Variants in MUC5B observed in about 807,000 individuals in gnomAD.
The protein encoded by MUC5B is mucin-5B.
A neutral mutation model predicts 376.9 loss-of-function variants in MUC5B; 116 were observed. The ratio of observed to expected loss-of-function variants is 0.31; its 90% CI spans 0.26 to 0.36. The LOEUF (loss-of-function observed/expected upper bound fraction) is 0.36. Among genes scored for constraint, MUC5B ranks in the 10% least tolerant of loss-of-function variants. The pLI, the probability that MUC5B is intolerant of heterozygous loss-of-function variation, is 1.00. For synonymous variants in MUC5B, 3,517 were observed against 3,390.9 expected (o/e 1.04, Z -1.29); for missense variants, 7,165 against 7,769.9 (o/e 0.92, Z 2.93).
Position 1,226,773 on chromosome 11 carries a change from C to A in MUC5B, c.358C>A (p.Arg120=). ...AYEDFNVQLR[R]GLVGSRPVVT... The stretch of plus-strand genomic sequence containing the variant: ...CGAGGACTTCAACGTCCAGCTACGC[C>A]GAGGCCTAGTGGGCTCCAGGCCTGT... The change falls in exon 4 of 49, where the codon CGA becomes AGA. Residue 120 remains arginine (R), a synonymous_variant. Transcript: ENST00000529681. 4.3e-6 allele frequency: 7 copies of A among 1,612,524 alleles called. No homozygotes were observed. Among genetic ancestry groups the A allele is most frequent in the Non-Finnish European group, 5.9e-6 (7 of 1,179,804 alleles).
chr11:1,236,334 C>G, intron 23 of MUC5B, 52 bp from the exon 24 acceptor site: 1 of 1,555,714 alleles, frequency 6.4e-7, no homozygotes, highest in Non-Finnish European at 8.7e-7. Context: ...GTCTCAGGCC[C>G]CTCCCTGGGG....
intron 4 of MUC5B, 49 bp downstream of exon 4, chr11:1,226,925 A>G (rs1590167518): frequency 1.6e-6 from 2 of 1,281,628 alleles, no homozygotes. Context: ...ACACAGTGTG[A>G]CCTCCCCACA....
rs1178204387 is a variant in MUC5B at position 1,230,512 on chromosome 11, C to T, written c.1382C>T (p.Thr461Ile). The change falls in exon 12 of 49, where the codon ACC becomes ATC. Residue 461 changes from threonine to isoleucine, a missense_variant. Thr to Ile is a moderately conservative substitution (Grantham distance 89, BLOSUM62 -1). Around this residue, in one of 31 missense-constraint regions of MUC5B, gnomAD observed 640 missense variants for 733.0 expected, o/e 0.87. Coordinates refer to ENST00000529681, the MANE Select transcript of MUC5B (RefSeq NM_002458.3). ...CAGAAATGTGCCGACAGCAGCTTCA[C>T]CGTGCTGGCTGAGCTGCGGAAGTGC... ...LSKKCADSSF[T>I]VLAELRKCGL... 3 of 1,609,812 alleles carry T rather than the reference C, an allele frequency of 1.9e-6. No individual in the cohort carries two copies. The Admixed American group carries it at 5.0e-5, about 27-fold the overall frequency.
chr11:1,255,404 C>A lies in MUC5B; in HGVS notation c.15912C>A (p.Asn5304Lys), dbSNP rs369590700. 7 of 1,602,252 alleles carry A rather than the reference C, an allele frequency of 4.4e-6. No homozygotes were observed. The highest frequency in any genetic ancestry group is 6.0e-6 in the Non-Finnish European group (7 of 1,174,430). The stretch of plus-strand genomic sequence containing the variant: ...ACAGGGTCTTTGCTGAGTGCCACAA[C>A]CTTGTGCCCCCGGGCCCATTCTTCA... ...MLSQVFAECH[N>K]LVPPGPFFNA... Residue 5304 changes from asparagine to lysine, a missense_variant, in exon 37 of 49, where the codon AAC (asparagine) becomes AAA (lysine). Coordinates refer to ENST00000529681, the MANE Select transcript of MUC5B (RefSeq NM_002458.3).
chr11:1,257,227 G>A lies in MUC5B; in HGVS notation c.16238-13G>A, dbSNP rs758596662. 2.6e-6 allele frequency: 2 copies of A among 779,740 alleles called. No homozygotes were observed. Among genetic ancestry groups the A allele is most frequent in the South Asian group, 2.7e-5 (2 of 74,634 alleles). The allele number at this position is 779,740 out of a possible 1,614,324, so 48.3% of individuals were successfully genotyped here. ...TCAGCACCCTCCGTGATGCCATGCT[G>A]TTTTCTTTCCAGCCTGCGTGGGACC... On this transcript the variant is annotated splice_polypyrimidine_tract_variant and intron_variant, in intron 39 of 48. Transcript: ENST00000529681. The surrounding 1 kb of genome is among the most constrained non-coding windows in gnomAD (Gnocchi z 8.9).
chr11:1,250,371 C>T lies in MUC5B; in HGVS notation c.13491C>T (p.Pro4497=). The part of the protein sequence containing the change: ...TPTVTSSKAT[P]SSSPGTATAL... ...CAGTCACCAGCTCCAAAGCCACTCC[C>T]TCCTCCAGTCCAGGGACTGCAACTG... is the stretch of plus-strand genomic sequence containing the variant. The change falls in exon 31 of 49, where the codon CCC becomes CCT. Residue 4497 remains proline (P), a synonymous_variant. Transcript: ENST00000529681. 4 of 1,613,564 alleles carry T rather than the reference C, an allele frequency of 2.5e-6. No homozygotes were observed. The highest frequency in any genetic ancestry group is 2.2e-5 in the South Asian group (2 of 91,076).
rs1862275660 is a variant in MUC5B at position 1,241,226 on chromosome 11, G to A, written c.4346G>A (p.Ser1449Asn). Residue 1449 changes from serine to asparagine, a missense_variant, in exon 31 of 49, where the codon AGC becomes AAC. Around this residue, in one of 31 missense-constraint regions of MUC5B, gnomAD observed 517 missense variants for 545.3 expected, o/e 0.95. Transcript: ENST00000529681. ...GTSPQPSLSA[S>N]TEPAVPTPTQ... Reference sequence around the variant, plus strand: ...AGCCCTCAGCCCTCCCTCAGTGCCAGCACGGAGCCTGCTGTGCCTACCCCA... The same window carrying A: ...AGCCCTCAGCCCTCCCTCAGTGCCAACACGGAGCCTGCTGTGCCTACCCCA... The A allele has an allele frequency of 6.3e-7, 1 of 1,592,150 alleles. No individual in the cohort carries two copies. The highest frequency in any genetic ancestry group is 8.5e-7 in the Non-Finnish European group (1 of 1,169,608).
At position 1,231,431 on chromosome 11, in the gene MUC5B, A is replaced by T; in HGVS notation, c.1549A>T (p.Thr517Ser). Residue 517 changes from threonine (T) to serine (S), a missense_variant, in exon 14 of 49, where the codon ACC (threonine) becomes TCC (serine). Physicochemically the swap from Thr to Ser is moderately conservative, Grantham distance 58. This residue lies in a region of MUC5B where 640 missense variants were observed against 733.0 expected (regional missense o/e 0.87). Coordinates refer to ENST00000529681, the MANE Select transcript of MUC5B (RefSeq NM_002458.3). ...CCCCACACTCCCGGCAGCCAACATC[A>T]CCCTGTTCACACCCTCGAGCTTCTT... is the stretch of plus-strand genomic sequence containing the variant. ...TQLPLSAANI[T>S]LFTPSSFFIV... 6.2e-7 allele frequency: 1 copy of T among 1,610,342 alleles called. No homozygotes were observed. The highest frequency in any genetic ancestry group is 8.5e-7 in the Non-Finnish European group (1 of 1,178,850).
In MUC5B at chr11:1,234,731, AGGGCAGCGGGTGGGGAGGCAGCG is replaced by A. The variant is rs985552713; in HGVS notation, c.2630+54_2630+76del. 4.8e-5 allele frequency: 3 copies of A among 62,600 alleles called. No individual in the cohort carries two copies. Among genetic ancestry groups the A allele is most frequent in the African/African-American group, 2.6e-4 (3 of 11,716 alleles). The allele number at this position is 62,600 out of a possible 1,614,324, so 3.9% of individuals were successfully genotyped here. Reference sequence around the variant, plus strand: ...GCAGGTGGGGAGGGCGGGGGCGGGGAGGGCAGCGGGTGGGGAGGCAGCGGGCAGGGAGGGCAGGGGGCGGGGAG... The same window carrying A: ...GCAGGTGGGGAGGGCGGGGGCGGGGAGGCAGGGAGGGCAGGGGGCGGGGAG... On this transcript the variant is annotated intron_variant, in intron 21 of 48. Coordinates refer to ENST00000529681, the MANE Select transcript of MUC5B (RefSeq NM_002458.3). This position sits in a 1 kb window ranked among gnomAD's most constrained non-coding sequence, Gnocchi z 6.3.
chr11:1,248,007 G>A lies in MUC5B; in HGVS notation c.11127G>A (p.Thr3709=), dbSNP rs756627342. The stretch of plus-strand genomic sequence containing the variant: ...CTACGACTGAGTCCACTGGATCCAC[G>A]GCCACCCCGTCCTCCACCCCAGGGA... ...TATTTESTGS[T]ATPSSTPGTT... is the part of the protein sequence containing the mutation. The change falls in exon 31 of 49, where the codon ACG becomes ACA. Residue 3709 remains threonine, a synonymous_variant. Transcript: ENST00000529681. 2.3e-5 allele frequency: 37 copies of A among 1,609,204 alleles called. 3 individuals are homozygous for A. The highest frequency in any genetic ancestry group is 2.7e-5 in the Non-Finnish European group (32 of 1,177,468).
At chr11:1,223,351 G>A (rs1213525717) in intron 1 of MUC5B, 158 bp downstream of exon 1, 2 of 690,354 alleles carry the variant, frequency 2.9e-6, no homozygotes, top group Non-Finnish European at 5.3e-6. Flanking sequence ...CCAACACAGG[G>A]CTCTGGGGCC....
chr11:1,259,662 C>A, intron 44 of MUC5B, 94 bp from the exon 45 acceptor site: 1 of 1,331,362 alleles, frequency 7.5e-7, no homozygotes, highest in Non-Finnish European at 1.1e-6. Flanking sequence ...GCTAAGGGGT[C>A]CTGGACCACT....
At position 1,254,276 on chromosome 11, in the gene MUC5B, C is replaced by T. The variant is rs781033372; in HGVS notation, c.15402C>T (p.Arg5134=). 9.9e-6 allele frequency: 16 copies of T among 1,611,478 alleles called. No homozygotes were observed. The highest frequency in any genetic ancestry group is 8.9e-5 in the East Asian group (4 of 44,898). ...CTGCCGCTGCCGCCCGCTGCCCCCG[C>T]GCCCTCAGCATCCACTACAAGTCCA... ...SATAAAARCP[R]ALSIHYKSMD... is the part of the protein sequence containing the mutation. Residue 5134 remains arginine (R), a synonymous_variant, in exon 34 of 49, where the codon CGC becomes CGT. Transcript: ENST00000529681.
rs759982466 is a variant in MUC5B, at chr11:1,244,131, C to T, written c.7251C>T (p.Thr2417=). 5.0e-6 allele frequency: 8 copies of T among 1,612,558 alleles called. No homozygotes were observed. The South Asian group carries it at 8.8e-5, about 18-fold the overall frequency. ...GCAACTACGGCCACTGCCCCAGCAC[C>T]CCGGCCACCAGCTCTACGGCCATGC... ...FCCNYGHCPS[T]PATSSTAMPS... is the part of the protein sequence containing the mutation. The change falls in exon 31 of 49, where the codon ACC becomes ACT. Residue 2417 remains threonine (T), a synonymous_variant. Coordinates refer to ENST00000529681, the MANE Select transcript of MUC5B (RefSeq NM_002458.3).
At chr11:1,232,948 T>C in intron 17 of MUC5B, 65 bp from the exon 18 acceptor site, 20 of 1,485,978 alleles carry the variant, frequency 1.3e-5, no homozygotes, top group Non-Finnish European at 1.8e-5. Context: ...GATGCTGAGT[T>C]GAAGATGGGG....
rs755893888 is a variant in MUC5B at position 1,262,003 on chromosome 11, G to T, written c.*395G>T. 1 of 492,780 alleles carries T rather than the reference G, an allele frequency of 2.0e-6. No homozygotes were observed. The highest frequency in any genetic ancestry group is 1.5e-5 in the South Asian group (1 of 67,572). 30.5% of individuals were successfully genotyped at this position (492,780 alleles called of 1,614,324 possible). A position where few individuals can be genotyped will look rare whatever the true frequency, so the allele number is the denominator to read the frequency against. On this transcript the variant is annotated 3_prime_UTR_variant, in exon 49 of 49. Transcript: ENST00000529681. The stretch of plus-strand genomic sequence containing the variant: ...GGGCAGACAGGCTGGTCCAGGCAAG[G>T]CCAGCTGCTGCCAGGAAGCTGCGAC...
At chr11:1,231,054 G>A in intron 13 of MUC5B, 49 bp downstream of exon 13, 2 of 1,522,704 alleles carry the variant, frequency 1.3e-6, no homozygotes, top group Non-Finnish European at 1.8e-6. Flanking sequence ...CTGCTTGCAG[G>A]GGCAGCTCCC....
chr11:1,236,608 A>C, intron 24 of MUC5B, 46 bp downstream of exon 24: 1 of 1,574,462 alleles, frequency 6.4e-7, no homozygotes, highest in Non-Finnish European at 8.7e-7. Context: ...ACCCTCTCAC[A>C]GTGACAGAAA....
chr11:1,254,562 A>G lies in MUC5B; in HGVS notation c.15478-132A>G, dbSNP rs1192301821. 6.6e-6 allele frequency: 8 copies of G among 1,214,392 alleles called. No individual in the cohort carries two copies. The African/African-American group carries it at 1.1e-4, about 16-fold the overall frequency. The allele number at this position is 1,214,392 out of a possible 1,614,324, so 75.2% of individuals were successfully genotyped here. On this transcript the variant is annotated intron_variant, in intron 34 of 48. Coordinates refer to ENST00000529681, the MANE Select transcript of MUC5B (RefSeq NM_002458.3). Reference sequence around the variant, plus strand: ...GCTGGAGACTCCAGGCCCCCAGGGAAGATCTGGGCTTTGGGGTGGGGGATA... The same window carrying G: ...GCTGGAGACTCCAGGCCCCCAGGGAGGATCTGGGCTTTGGGGTGGGGGATA...
Sources: allele counts gnomAD v4.1 joint callset, GRCh38; gene constraint gnomAD v4.1.1; regional missense constraint gnomAD v4.1.1; non-coding constraint Gnocchi (gnomAD v3.1); transcripts MANE v1.5; gene names NCBI Gene and HGNC (gene_info 2026-07-23, HGNC 2026-07-21).